Variants in TMEM163 observed in about 807,000 individuals in gnomAD.
The protein encoded by TMEM163 is transmembrane protein 163.
A neutral mutation model predicts 29.3 loss-of-function variants in TMEM163; 17 were observed. The ratio of observed to expected loss-of-function variants is 0.58; its 90% CI spans 0.40 to 0.87. TMEM163 has a LOEUF of 0.87. TMEM163 is among the 40% of genes least tolerant of loss of function. TMEM163 has a pLI of 0.00. For synonymous variants in TMEM163, 157 were observed against 160.6 expected (o/e 0.98, Z 0.17); for missense variants, 303 against 381.5 (o/e 0.79, Z 1.71).
chr2:134,500,016 TAA>T (rs1302402222), intron 5 of TMEM163, among the ~76,000 whole-genome samples: 4 of 152,220 alleles, frequency 2.6e-5, no homozygotes, highest in Admixed American at 2.6e-4. Context: ...TATCTCACAT[TAA>T]ACATAGGTTT....
chr2:134,630,691 G>A (rs11682346), intron 2 of TMEM163, among the ~76,000 whole-genome samples: 88,381 of 151,992 alleles, frequency 0.58, 26,441 homozygotes, highest in Non-Finnish European at 0.63. Flanking sequence ...CCTCTCCCCT[G>A]GGCCCCTCCC....
At chr2:134,578,442 T>C (rs1681613148) in intron 2 of TMEM163, among the ~76,000 whole-genome samples, 1 of 152,200 alleles carries the variant, frequency 6.6e-6, no homozygotes, top group Non-Finnish European at 1.5e-5. Context: ...GTGATGTTCC[T>C]GTCAGCCAGT....
intron 2 of TMEM163, among the ~76,000 whole-genome samples, chr2:134,620,335 C>T (rs1461650593): frequency 6.6e-6 from 1 of 151,934 alleles, no homozygotes; most frequent in Non-Finnish European, 1.5e-5. Flanking sequence ...CGGCTCACTG[C>T]AACCTCCACC....
chr2:134,716,071 A>G (rs557301447), intron 1 of TMEM163, among the ~76,000 whole-genome samples: 1 of 152,138 alleles, frequency 6.6e-6, no homozygotes, highest in Admixed American at 6.5e-5. Flanking sequence ...TCAAGCTTGA[A>G]CTCTGTGAAG....
At chr2:134,495,465 G>A (rs1679530004) in intron 5 of TMEM163, among the ~76,000 whole-genome samples, 1 of 152,202 alleles carries the variant, frequency 6.6e-6, no homozygotes, top group Admixed American at 6.5e-5. Context: ...ATAAATGGCT[G>A]AAGAACATAT....
intron 2 of TMEM163, among the ~76,000 whole-genome samples, chr2:134,653,622 C>G (rs1683531833): frequency 4.0e-5 from 2 of 50,184 alleles, no homozygotes; most frequent in African/African-American, 1.7e-4. Flanking sequence ...TTTTCTAGTT[C>G]TTTTAATTGT....
chr2:134,594,642 G>A (rs1271553660), intron 2 of TMEM163, among the ~76,000 whole-genome samples: 2 of 152,180 alleles, frequency 1.3e-5, no homozygotes, highest in African/African-American at 4.8e-5. Context: ...CACGCCCATT[G>A]GCAGAAAGCC....
chr2:134,703,638 T>C, intron 2 of TMEM163, among the ~76,000 whole-genome samples: 1 of 152,082 alleles, frequency 6.6e-6, no homozygotes, highest in East Asian at 1.9e-4. Context: ...TCCTTCCATT[T>C]GGGGAAGTTA....
intron 5 of TMEM163, among the ~76,000 whole-genome samples, chr2:134,476,887 G>T (rs1442621006): frequency 6.6e-6 from 1 of 152,186 alleles, no homozygotes; most frequent in Non-Finnish European, 1.5e-5. Context: ...TCACTGCCAT[G>T]CCTCATGTTC....
chr2:134,712,414 T>C (rs1684945349), intron 2 of TMEM163, among the ~76,000 whole-genome samples: 1 of 152,066 alleles, frequency 6.6e-6, no homozygotes. Context: ...AAAATAGATC[T>C]TTCTGTTAGG....
chr2:134,522,014 C>A (rs1680200756), intron 4 of TMEM163, among the ~76,000 whole-genome samples: 1 of 152,170 alleles, frequency 6.6e-6, no homozygotes, highest in African/African-American at 2.4e-5. Context: ...CCACTCCGGA[C>A]ACTCACCATC....
intron 2 of TMEM163, among the ~76,000 whole-genome samples, chr2:134,589,932 A>G (rs1035568605): frequency 1.3e-5 from 2 of 152,140 alleles, no homozygotes; most frequent in African/African-American, 2.4e-5. Context: ...ACAAACATCA[A>G]TAAGACTCCT....
At chr2:134,589,424 G>T (rs1681892774) in intron 2 of TMEM163, among the ~76,000 whole-genome samples, 1 of 152,194 alleles carries the variant, frequency 6.6e-6, no homozygotes, top group African/African-American at 2.4e-5. Context: ...AAAGAAGCCA[G>T]CCAGAACCTA....
At chr2:134,663,557 G>T (rs918663860) in intron 2 of TMEM163, among the ~76,000 whole-genome samples, 15 of 152,366 alleles carry the variant, frequency 9.8e-5, no homozygotes, top group African/African-American at 3.4e-4. Context: ...GTGCACCACA[G>T]GTCCCTTTCT....
chr2:134,464,397 G>T (rs753686669), intron 6 of TMEM163, among the ~76,000 whole-genome samples: 1 of 152,172 alleles, frequency 6.6e-6, no homozygotes, highest in Non-Finnish European at 1.5e-5. Context: ...CTTCGGGGTG[G>T]GCCCAGGAAT....
intron 2 of TMEM163, among the ~76,000 whole-genome samples, chr2:134,561,240 G>C (rs1296078438): frequency 6.6e-6 from 1 of 152,212 alleles, no homozygotes; most frequent in Admixed American, 6.5e-5. Context: ...GTCTCGCTCT[G>C]TCGCCCAGGC....
chr2:134,576,585 G>A (rs551225936), intron 2 of TMEM163, among the ~76,000 whole-genome samples: 1 of 152,254 alleles, frequency 6.6e-6, no homozygotes, highest in Non-Finnish European at 1.5e-5. Context: ...AGGAGAGAAA[G>A]GTCTCCCACA....
At chr2:134,689,948 GGA>G (rs1684426891) in intron 2 of TMEM163, among the ~76,000 whole-genome samples, 1 of 150,456 alleles carries the variant, frequency 6.6e-6, no homozygotes, top group Non-Finnish European at 1.5e-5. Context: ...GTTTGTTTTT[GGA>G]GGCAGAGTCT....
chr2:134,711,604 A>C (rs1179866062), intron 2 of TMEM163, among the ~76,000 whole-genome samples: 1 of 152,250 alleles, frequency 6.6e-6, no homozygotes, highest in Non-Finnish European at 1.5e-5. Flanking sequence ...TTCTGTATGC[A>C]CTATGCAACT....
Sources: allele counts gnomAD v4.1 joint callset (sites outside exome capture counted in the v4.1 genomes callset), GRCh38; gene constraint gnomAD v4.1.1; transcripts MANE v1.5; gene names NCBI Gene and HGNC (gene_info 2026-07-23, HGNC 2026-07-21).